The following GNAL variants were observed in gnomAD, a reference collection of about 807,000 sequenced individuals.
GNAL encodes the protein guanine nucleotide-binding protein G(olf) subunit alpha.
GNAL carries 18 observed loss-of-function variants against 55.1 expected under a neutral mutation model. The observed-to-expected ratio is 0.33, with a 90% CI of 0.23 to 0.48. GNAL has a LOEUF of 0.48. Among genes scored for constraint, GNAL ranks in the 20% least tolerant of loss-of-function variants. GNAL has a pLI of 0.99. For missense variants in GNAL, 412 were observed against 614.1 expected (o/e 0.67, Z 3.48); for synonymous variants, 253 against 237.0 (o/e 1.07, Z -0.62).
In GNAL at chr18:11,752,658, C is replaced by T. The variant is rs1366118242; in HGVS notation, c.377-195C>T. 14 of 1,364,304 alleles carry T rather than the reference C, an allele frequency of 1.0e-5. No individual in the cohort carries two copies. The highest frequency in any genetic ancestry group is 1.2e-5 in the Non-Finnish European group (13 of 1,049,426). The allele number at this position is 1,364,304 out of a possible 1,614,324, so 84.5% of individuals were successfully genotyped here. On this transcript the variant is annotated intron_variant, in intron 1 of 11. Coordinates refer to ENST00000334049, the MANE Select transcript of GNAL (RefSeq NM_182978.4). The surrounding 1 kb of genome is among the most constrained non-coding windows in gnomAD (Gnocchi z 4.5). ...AGCGGCGAGCGCCAGGCTGGGCGGG[C>T]AGGGCCGGGCGAGGGTCGCGCGCAC... is the stretch of plus-strand genomic sequence containing the variant.
chr18:11,845,702 T>G (rs2035717130), intron 5 of GNAL, among the ~76,000 whole-genome samples: 1 of 139,806 alleles, frequency 7.2e-6, no homozygotes. Context: ...GGTAACAGAG[T>G]GACACCCTGA....
chr18:11,728,176 T>A (rs2032254695), intron 1 of GNAL, among the ~76,000 whole-genome samples: 1 of 151,936 alleles, frequency 6.6e-6, no homozygotes, highest in Non-Finnish European at 1.5e-5. Context: ...ATCACACCAC[T>A]CCACTCCAGC....
At chr18:11,832,787 G>T (rs991215474) in intron 5 of GNAL, among the ~76,000 whole-genome samples, 6 of 151,944 alleles carry the variant, frequency 3.9e-5, no homozygotes, top group Admixed American at 3.9e-4. Context: ...TTGAACCCGG[G>T]AGGCAGAGGT....
chr18:11,708,630 T>C (rs558596733), intron 1 of GNAL, among the ~76,000 whole-genome samples: 3 of 152,352 alleles, frequency 2.0e-5, no homozygotes, highest in Admixed American at 6.5e-5. Context: ...AGACCTGAAA[T>C]TTATTAAAAA....
chr18:11,740,405 T>C (rs913058404), intron 1 of GNAL, among the ~76,000 whole-genome samples: 34 of 152,112 alleles, frequency 2.2e-4, no homozygotes, highest in African/African-American at 8.0e-4. Context: ...CCCTGCTCGC[T>C]GCTACTGGAG....
intron 5 of GNAL, among the ~76,000 whole-genome samples, chr18:11,848,998 CTTCCTT>C (rs963160692): frequency 5.3e-5 from 8 of 152,196 alleles, no homozygotes; most frequent in Non-Finnish European, 1.2e-4. Flanking sequence ...GCTCTCTGTG[CTTCCTT>C]TTCATTACCT....
chr18:11,763,640 A>G (rs1320107347), intron 4 of GNAL, among the ~76,000 whole-genome samples: 1 of 152,200 alleles, frequency 6.6e-6, no homozygotes, highest in Non-Finnish European at 1.5e-5. Flanking sequence ...CAAAGTGCCG[A>G]GATTACAGGT....
intron 4 of GNAL, among the ~76,000 whole-genome samples, chr18:11,808,215 C>T (rs866984403): frequency 3.3e-5 from 5 of 152,096 alleles, no homozygotes; most frequent in South Asian, 4.1e-4. Flanking sequence ...TCCAATCACT[C>T]ACCCTGCACT....
Position 11,751,801 on chromosome 18 carries a change from C to A in GNAL, c.377-1052C>A. 2 of 325,944 alleles carry A rather than the reference C, an allele frequency of 6.1e-6. No individual in the cohort carries two copies. Among genetic ancestry groups the A allele is most frequent in the Non-Finnish European group, 4.4e-6 (1 of 226,940 alleles). 20.2% of individuals were successfully genotyped at this position (325,944 alleles called of 1,614,324 possible). On this transcript the variant is annotated intron_variant, in intron 1 of 11. Transcript: ENST00000334049. The surrounding 1 kb of genome is among the most constrained non-coding windows in gnomAD (Gnocchi z 4.5). ...TCCGAGAGCTCCGGGACCAGCGGCC[C>A]GGCCGCCCCCAAAGCCAGCCTCCCT...
chr18:11,694,634 T>A (rs2031352996), intron 1 of GNAL, among the ~76,000 whole-genome samples: 1 of 152,028 alleles, frequency 6.6e-6, no homozygotes, highest in Non-Finnish European at 1.5e-5. Context: ...CTCACGGGCT[T>A]GGGGAGCAGG....
intron 4 of GNAL, among the ~76,000 whole-genome samples, chr18:11,786,092 T>C (rs1195978537): frequency 6.6e-6 from 1 of 152,192 alleles, no homozygotes; most frequent in East Asian, 1.9e-4. Context: ...GGGAAGTTTA[T>C]CCTGTCGGCC....
At chr18:11,845,949 TAGTA>T (rs1487395544) in intron 5 of GNAL, among the ~76,000 whole-genome samples, 1 of 152,128 alleles carries the variant, frequency 6.6e-6, no homozygotes, top group African/African-American at 2.4e-5. Context: ...TTTTTTCTCT[TAGTA>T]AGTCTTGTTT....
At chr18:11,773,435 T>C (rs528605737) in intron 4 of GNAL, among the ~76,000 whole-genome samples, 13 of 152,302 alleles carry the variant, frequency 8.5e-5, no homozygotes, top group African/African-American at 3.1e-4. Flanking sequence ...TTCTTAAGGC[T>C]CTTTTTTGAA....
At chr18:11,851,214 G>A (rs1000899948) in intron 5 of GNAL, among the ~76,000 whole-genome samples, 8 of 152,222 alleles carry the variant, frequency 5.3e-5, no homozygotes, top group African/African-American at 1.4e-4. Context: ...TAAAAACCGG[G>A]TAGAACGCAG....
chr18:11,778,773 A>G (rs1453338234), intron 4 of GNAL, among the ~76,000 whole-genome samples: 1 of 152,028 alleles, frequency 6.6e-6, no homozygotes, highest in Non-Finnish European at 1.5e-5. Flanking sequence ...TCCAGGAAGA[A>G]TTTTATAGAT....
chr18:11,745,106 C>T (rs1438208176), intron 1 of GNAL, among the ~76,000 whole-genome samples: 1 of 152,170 alleles, frequency 6.6e-6, no homozygotes, highest in African/African-American at 2.4e-5. Context: ...CCAGTTATTA[C>T]ATTTTCTATC....
At chr18:11,722,321 C>A (rs2032113936) in intron 1 of GNAL, among the ~76,000 whole-genome samples, 1 of 152,182 alleles carries the variant, frequency 6.6e-6, no homozygotes, top group African/African-American at 2.4e-5. Context: ...TGTGATGAGG[C>A]ATTCCATTTT....
At chr18:11,816,880 G>A (rs1174246320) in intron 4 of GNAL, among the ~76,000 whole-genome samples, 1 of 150,894 alleles carries the variant, frequency 6.6e-6, no homozygotes, top group East Asian at 1.9e-4. Context: ...TTTCAAAAAT[G>A]TGCTAAGTGA....
rs543897184 is a variant in GNAL, at chr18:11,700,950, T to A, written c.376+11011T>A. Among the ~76,000 whole-genome samples the A allele has an allele frequency of 1.3e-4, 20 of 152,352 alleles. No homozygotes were observed. The South Asian group carries it at 3.7e-3, about 28-fold the overall frequency. ...CATTTTATTCATTGAATCCCTTATATTACTCACCAACTGCAAACATTTGCA... is the reference window on the plus strand; with the variant it reads ...CATTTTATTCATTGAATCCCTTATAATACTCACCAACTGCAAACATTTGCA... On this transcript the variant is annotated intron_variant, in intron 1 of 11. Transcript: ENST00000334049.
Sources: gnomAD v4.1 joint callset for allele counts (sites outside exome capture counted in the v4.1 genomes callset) on GRCh38, gnomAD v4.1.1 for gene constraint, Gnocchi (gnomAD v3.1) non-coding constraint, MANE v1.5 for transcripts, NCBI Gene and HGNC (gene_info 2026-07-23, HGNC 2026-07-21) for gene names.